Variants in KIF13A observed in about 807,000 individuals in gnomAD.
KIF13A encodes the protein kinesin-like protein KIF13A.
Under a neutral mutation model 212.2 loss-of-function variants are expected in KIF13A, and 79 were observed. The ratio of observed to expected loss-of-function variants is 0.37; its 90% CI spans 0.31 to 0.45. The LOEUF is 0.45. Ranked by LOEUF, KIF13A falls within the 20% of genes least tolerant of loss-of-function variation. KIF13A has a pLI of 1.00. For synonymous variants in KIF13A, 789 were observed against 808.6 expected (o/e 0.98, Z 0.41); for missense variants, 1,901 against 2,209.0 (o/e 0.86, Z 2.79).
intron 9 of KIF13A, among the ~76,000 whole-genome samples, chr6:17,844,897 T>C (rs896234258): frequency 4.6e-5 from 7 of 152,200 alleles, no homozygotes; most frequent in African/African-American, 1.4e-4. Flanking sequence ...AATACCTCTT[T>C]AGAGTGGGAC....
intron 2 of KIF13A, among the ~76,000 whole-genome samples, chr6:17,922,939 CG>C (rs1370046553): frequency 6.6e-6 from 1 of 151,488 alleles, no homozygotes; most frequent in Non-Finnish European, 1.5e-5. Flanking sequence ...ATATGTTTTA[CG>C]TATGTTTTAT....
intron 2 of KIF13A, among the ~76,000 whole-genome samples, chr6:17,938,532 T>C (rs551128403): frequency 6.6e-6 from 1 of 152,252 alleles, no homozygotes; most frequent in Non-Finnish European, 1.5e-5. Context: ...TAACGAAGAA[T>C]TGGGCTTATT....
At chr6:17,827,848 A>C (rs1765106802) in intron 14 of KIF13A, among the ~76,000 whole-genome samples, 1 of 152,186 alleles carries the variant, frequency 6.6e-6, no homozygotes, top group South Asian at 2.1e-4. Flanking sequence ...AAAACAAAAC[A>C]AAACACTGGA....
chr6:17,790,790 C>T (rs1266957613), intron 25 of KIF13A, among the ~76,000 whole-genome samples: 2 of 152,132 alleles, frequency 1.3e-5, no homozygotes, highest in African/African-American at 4.8e-5. Flanking sequence ...GTCTGTACTA[C>T]ACTGTTGAAA....
chr6:17,894,129 C>T (rs1007919625), intron 3 of KIF13A, among the ~76,000 whole-genome samples: 2 of 145,212 alleles, frequency 1.4e-5, no homozygotes, highest in Admixed American at 6.9e-5. Context: ...TGAGCCACTG[C>T]GTCTCACCCC....
intron 2 of KIF13A, among the ~76,000 whole-genome samples, chr6:17,974,919 C>T (rs1456700376): frequency 6.6e-6 from 1 of 152,226 alleles, no homozygotes; most frequent in Non-Finnish European, 1.5e-5. Flanking sequence ...CTGGCTACCA[C>T]ATTGGACAGT....
downstream of KIF13A, among the ~76,000 whole-genome samples, chr6:17,762,929 G>A (rs1285805529): frequency 1.3e-5 from 2 of 152,152 alleles, no homozygotes; most frequent in African/African-American, 4.8e-5. Flanking sequence ...TAACTTGCTC[G>A]CAAAACAAAG....
chr6:17,822,509 A>T (rs1428356302), intron 16 of KIF13A, among the ~76,000 whole-genome samples: 1 of 152,236 alleles, frequency 6.6e-6, no homozygotes, highest in Non-Finnish European at 1.5e-5. Context: ...ATACTCATTG[A>T]TTATTGAAGG....
intron 2 of KIF13A, among the ~76,000 whole-genome samples, chr6:17,960,256 C>T (rs1267556383): frequency 6.6e-6 from 1 of 151,978 alleles, no homozygotes; most frequent in Non-Finnish European, 1.5e-5. Flanking sequence ...AAAAAGTAAA[C>T]ATTCTTTGAG....
At chr6:17,817,272 G>A (rs41267718) in intron 16 of KIF13A, 39 bp from the exon 17 acceptor site, 55,011 of 1,576,230 alleles carry the variant, frequency 0.035, 1,138 homozygotes, top group Non-Finnish European at 0.042. Flanking sequence ...TCTTAGTGGC[G>A]GCTAAAACAA....
intron 3 of KIF13A, among the ~76,000 whole-genome samples, chr6:17,875,573 G>C (rs1231658107): frequency 6.6e-6 from 1 of 151,264 alleles, no homozygotes; most frequent in East Asian, 2.0e-4. Context: ...TCCTGCCTCA[G>C]CCTCCCAAGT....
chr6:17,921,367 A>G (rs1164873114), intron 2 of KIF13A, among the ~76,000 whole-genome samples: 1 of 152,234 alleles, frequency 6.6e-6, no homozygotes, highest in African/African-American at 2.4e-5. Context: ...TCAAGTAACA[A>G]TAACCAGCTA....
chr6:17,859,899 T>C (rs1268687199), intron 4 of KIF13A, among the ~76,000 whole-genome samples: 2 of 151,744 alleles, frequency 1.3e-5, no homozygotes, highest in Admixed American at 1.3e-4. Flanking sequence ...CCTCCCAAAG[T>C]GCTGGGATTA....
intron 12 of KIF13A, among the ~76,000 whole-genome samples, chr6:17,832,054 T>C (rs1320502201): frequency 2.6e-5 from 4 of 152,004 alleles, no homozygotes; most frequent in Non-Finnish European, 5.9e-5. Flanking sequence ...AGCGGGACAG[T>C]GAGTGAGGTG....
At chr6:17,974,735 T>C (rs1015782957) in intron 2 of KIF13A, among the ~76,000 whole-genome samples, 2 of 152,118 alleles carry the variant, frequency 1.3e-5, no homozygotes, top group African/African-American at 2.4e-5. Context: ...GACCCAACCA[T>C]CTATTTTTAA....
At chr6:17,889,611 C>T (rs965141455) in intron 3 of KIF13A, among the ~76,000 whole-genome samples, 4 of 152,112 alleles carry the variant, frequency 2.6e-5, no homozygotes, top group Non-Finnish European at 4.4e-5. Flanking sequence ...AAATCCAATA[C>T]ATAGAAAAAC....
intron 4 of KIF13A, among the ~76,000 whole-genome samples, chr6:17,859,882 G>A (rs1009751716): frequency 2.6e-5 from 4 of 151,528 alleles, no homozygotes; most frequent in East Asian, 2.0e-4. Flanking sequence ...TGATCCACCC[G>A]CCTTGGCCTC....
rs1232981950 is a variant in KIF13A at position 17,895,420 on chromosome 6, G to A, written c.159+2748C>T. ...CATTTACTTCTGCCAGGTGCCTATGGGCACCTGCATTCTGGTATCACTTTG... is the reference window on the plus strand; with the variant it reads ...CATTTACTTCTGCCAGGTGCCTATGAGCACCTGCATTCTGGTATCACTTTG... On this transcript the variant is annotated intron_variant, in intron 3 of 38. Coordinates refer to ENST00000259711, the MANE Select transcript of KIF13A (RefSeq NM_022113.6). This position sits in a 1 kb window ranked among gnomAD's most constrained non-coding sequence, Gnocchi z 4.4. Among the ~76,000 whole-genome samples the A allele has an allele frequency of 6.6e-6, 1 of 152,100 alleles. No individual in the cohort carries two copies. Among genetic ancestry groups the A allele is most frequent in the African/African-American group, 2.4e-5 (1 of 41,404 alleles).
rs149123837 is a variant in KIF13A at position 17,911,181 on chromosome 6, G to C, written c.147-13001C>G. ...AATGAAATTCTAATGTTTTGAATTA[G>C]TATTTTTCTTTCTGCCCTGTGCACA... On this transcript the variant is annotated intron_variant, in intron 2 of 38. Transcript: ENST00000259711. 5.5e-4 allele frequency among the ~76,000 whole-genome samples: 84 copies of C among 152,316 alleles called. No individual in the cohort carries two copies. In the East Asian group the frequency reaches 0.014, roughly 25 times the overall value.
Sources: allele counts gnomAD v4.1 joint callset (sites outside exome capture counted in the v4.1 genomes callset), GRCh38; gene constraint gnomAD v4.1.1; non-coding constraint Gnocchi (gnomAD v3.1); transcripts MANE v1.5; gene names NCBI Gene and HGNC (gene_info 2026-07-23, HGNC 2026-07-21).